Variants in RHOBTB1 observed in about 807,000 individuals in gnomAD.
RHOBTB1 encodes the protein rho-related BTB domain-containing protein 1.
Under a neutral mutation model 71.6 loss-of-function variants are expected in RHOBTB1, and 40 were observed. The observed-to-expected ratio is 0.56, with a 90% confidence interval of 0.43 to 0.73. The LOEUF is 0.73. Ranked by LOEUF, RHOBTB1 falls within the 30% of genes least tolerant of loss-of-function variation. The pLI is 0.00. For synonymous variants in RHOBTB1, 319 were observed against 334.9 expected (o/e 0.95, Z 0.52); for missense variants, 797 against 894.0 (o/e 0.89, Z 1.38).
At chr10:60,995,087 T>C (rs1412492625) in intron 1 of RHOBTB1, among the ~76,000 whole-genome samples, 1 of 151,954 alleles carries the variant, frequency 6.6e-6, no homozygotes, top group Non-Finnish European at 1.5e-5. Flanking sequence ...CTAAAGATCA[T>C]AAATAGCTCC....
intron 2 of RHOBTB1, among the ~76,000 whole-genome samples, chr10:60,980,949 G>A (rs1188058362): frequency 6.6e-6 from 1 of 152,108 alleles, no homozygotes; most frequent in Non-Finnish European, 1.5e-5. Context: ...TTTATAATTA[G>A]GTGGCTAATT....
chr10:60,923,618 G>A (rs898644603), intron 2 of RHOBTB1, among the ~76,000 whole-genome samples: 5 of 152,134 alleles, frequency 3.3e-5, no homozygotes, highest in African/African-American at 9.7e-5. Context: ...AATAGTATGC[G>A]ATATGGTTTG....
chr10:60,873,859 T>C (rs1379795707), intron 9 of RHOBTB1, among the ~76,000 whole-genome samples: 1 of 152,274 alleles, frequency 6.6e-6, no homozygotes, highest in Admixed American at 6.5e-5. Context: ...GGATCTACCA[T>C]TTATATGTAC....
chr10:60,977,081 G>A (rs959562448), intron 2 of RHOBTB1, among the ~76,000 whole-genome samples: 1 of 151,986 alleles, frequency 6.6e-6, no homozygotes, highest in African/African-American at 2.4e-5. Context: ...ATGGAAAGAA[G>A]GCACGTTTCT....
chr10:60,868,064 T>C (rs1292056480), downstream of RHOBTB1, among the ~76,000 whole-genome samples: 3 of 152,298 alleles, frequency 2.0e-5, no homozygotes, highest in East Asian at 5.8e-4. Flanking sequence ...TTCCTTCTTT[T>C]TTTCTTTCTT....
chr10:60,886,047 T>C (rs565561441), intron 7 of RHOBTB1, 65 bp downstream of exon 7: 2 of 1,210,646 alleles, frequency 1.7e-6, no homozygotes, highest in Admixed American at 1.7e-5. Flanking sequence ...TTACCCACTT[T>C]ATATAAATAC....
chr10:60,901,290 A>G (rs1465017203), intron 4 of RHOBTB1, among the ~76,000 whole-genome samples: 1 of 152,224 alleles, frequency 6.6e-6, no homozygotes, highest in African/African-American at 2.4e-5. Flanking sequence ...TTGAAAGTCT[A>G]ATCATGGCAA....
chr10:60,885,291 T>C (rs2081517627), intron 7 of RHOBTB1, among the ~76,000 whole-genome samples: 1 of 152,202 alleles, frequency 6.6e-6, no homozygotes, highest in Admixed American at 6.5e-5. Context: ...CATAACTATG[T>C]ATAATAATTA....
upstream of RHOBTB1, among the ~76,000 whole-genome samples, chr10:60,946,813 T>G (rs1281880741): frequency 1.4e-4 from 22 of 152,178 alleles, no homozygotes; most frequent in Admixed American, 1.4e-3. Context: ...GCTCACAGGC[T>G]TCCAAAAGAT....
chr10:60,888,581 C>A lies in RHOBTB1; in HGVS notation c.1087G>T (p.Gly363Cys), dbSNP rs769612708. ...LVEALGLEAE[G>C]AVPETQTLTG... Reference sequence around the variant, plus strand: ...AAAGTCTGTGTCTCAGGAACTGCACCCTCGGCTTCCAGCCCCAGAGCCTCC... The same window carrying A: ...AAAGTCTGTGTCTCAGGAACTGCACACTCGGCTTCCAGCCCCAGAGCCTCC... The change falls in exon 6 of 11, where the codon GGT becomes TGT. Residue 363 changes from glycine to cysteine, a missense_variant. Around this residue, in one of 2 missense-constraint regions of RHOBTB1, gnomAD observed 658 missense variants for 681.5 expected, o/e 0.97. Coordinates refer to ENST00000337910, the MANE Select transcript of RHOBTB1 (RefSeq NM_014836.5). The A allele has an allele frequency of 6.2e-7, 1 of 1,614,166 alleles. No homozygotes were observed. The highest frequency in any genetic ancestry group is 1.7e-5 in the Admixed American group (1 of 60,028).
chr10:60,955,683 T>G (rs1441603296), intron 2 of RHOBTB1, among the ~76,000 whole-genome samples: 1 of 152,124 alleles, frequency 6.6e-6, no homozygotes, highest in African/African-American at 2.4e-5. Flanking sequence ...TAAGAAAGCC[T>G]TCCCTTAGTC....
intron 1 of RHOBTB1, among the ~76,000 whole-genome samples, chr10:60,990,032 G>C (rs1320797682): frequency 6.7e-6 from 1 of 148,298 alleles, no homozygotes; most frequent in Non-Finnish European, 1.5e-5. Context: ...GCCTAGGCTG[G>C]AGTGCAGTGG....
intron 7 of RHOBTB1, among the ~76,000 whole-genome samples, chr10:60,884,739 A>C (rs1277537061): frequency 6.6e-6 from 1 of 152,222 alleles, no homozygotes; most frequent in Non-Finnish European, 1.5e-5. Flanking sequence ...AGGTACAGAG[A>C]GACAAATATC....
intron 2 of RHOBTB1, among the ~76,000 whole-genome samples, chr10:60,982,613 C>T (rs1478669787): frequency 6.6e-6 from 1 of 152,134 alleles, no homozygotes; most frequent in Non-Finnish European, 1.5e-5. Context: ...ATAGCCAAAA[C>T]AATCTCCAGT....
At chr10:60,895,695 C>T (rs905139171) in intron 4 of RHOBTB1, among the ~76,000 whole-genome samples, 3 of 152,380 alleles carry the variant, frequency 2.0e-5, no homozygotes, top group East Asian at 1.9e-4. Context: ...CAAGCCACCG[C>T]GCCCGGCCCA....
At chr10:60,886,253 C>A (rs761003072) in intron 6 of RHOBTB1, 23 bp from the exon 7 acceptor site, 34 of 1,584,774 alleles carry the variant, frequency 2.1e-5, no homozygotes, top group Non-Finnish European at 2.8e-5. Context: ...TGAGGAAACA[C>A]AACCATGAGC....
upstream of RHOBTB1, among the ~76,000 whole-genome samples, chr10:60,947,659 C>A (rs1451712618): frequency 6.6e-6 from 1 of 151,924 alleles, no homozygotes; most frequent in Non-Finnish European, 1.5e-5. Context: ...ATCAATAGTT[C>A]ATTCCTTATT....
rs139162967 is a variant in RHOBTB1 at position 60,907,586 on chromosome 10, C to T, written c.296+3301G>A. Among the ~76,000 whole-genome samples the T allele has an allele frequency of 7.4e-4, 113 of 152,316 alleles. 1 individual carries two copies. The highest frequency in any genetic ancestry group is 2.6e-3 in the African/African-American group (110 of 41,564). On this transcript the variant is annotated intron_variant, in intron 4 of 10. Transcript: ENST00000337910. The stretch of plus-strand genomic sequence containing the variant: ...GGTTGACAGATTTCAAAGTGCAGAG[C>T]GTTACAACACTCATGCTACTCTGTT...
At chr10:60,873,721 TG>T (rs1477831256) in intron 9 of RHOBTB1, among the ~76,000 whole-genome samples, 1 of 152,232 alleles carries the variant, frequency 6.6e-6, no homozygotes, top group Non-Finnish European at 1.5e-5. Context: ...CAACCAGTTT[TG>T]ATGGGGGCTT....
Sources: gnomAD v4.1 joint callset for allele counts (sites outside exome capture counted in the v4.1 genomes callset) on GRCh38, gnomAD v4.1.1 for gene constraint, gnomAD v4.1.1 regional missense constraint, MANE v1.5 for transcripts, NCBI Gene and HGNC (gene_info 2026-07-23, HGNC 2026-07-21) for gene names.